POPDC1: variants seen among roughly 807,000 people sequenced by gnomAD.
POPDC1 encodes the protein popeye domain cAMP effector 1.
the POPDC1 span, among the ~76,000 whole-genome samples, chr6:105,135,250 C>G: frequency 4.1e-4 from 63 of 152,206 alleles, no homozygotes; most frequent in African/African-American, 1.3e-3. Context: ...GAAGGAACGT[C>G]AACCTGATAA....
the POPDC1 span, among the ~76,000 whole-genome samples, chr6:105,104,244 C>T: frequency 6.6e-6 from 1 of 152,132 alleles, no homozygotes; most frequent in African/African-American, 2.4e-5. Flanking sequence ...TCATGTGTAA[C>T]CCTCCATGAC....
chr6:105,111,407 C>T, the POPDC1 span, among the ~76,000 whole-genome samples: 1 of 152,158 alleles, frequency 6.6e-6, no homozygotes, highest in Non-Finnish European at 1.5e-5. Flanking sequence ...CAACAAGGTG[C>T]CCTGACGAGC....
At chr6:105,098,475 C>T in the POPDC1 span, 8 of 152,208 alleles carry the variant, frequency 5.3e-5, no homozygotes, top group African/African-American at 1.7e-4. Flanking sequence ...TCTTATATCA[C>T]CTACTTTTAG....
the POPDC1 span, among the ~76,000 whole-genome samples, chr6:105,102,184 A>G: frequency 1.2e-3 from 176 of 152,234 alleles, 4 homozygotes; most frequent in East Asian, 0.03. Flanking sequence ...AGCTGGGGAG[A>G]AGGTTGATGG....
chr6:105,109,430 T>TA, the POPDC1 span, among the ~76,000 whole-genome samples: 2,774 of 152,218 alleles, frequency 0.018, 45 homozygotes, highest in Non-Finnish European at 0.03. Flanking sequence ...GGTCAGTAGA[T>TA]AAAGGTTACT....
the POPDC1 span, among the ~76,000 whole-genome samples, chr6:105,103,247 A>G: frequency 6.6e-6 from 1 of 152,240 alleles, no homozygotes; most frequent in Non-Finnish European, 1.5e-5. Context: ...TTGTAAAGTT[A>G]TTAGATCAGT....
chr6:105,128,510 C>T, the POPDC1 span, among the ~76,000 whole-genome samples: 2 of 152,116 alleles, frequency 1.3e-5, no homozygotes, highest in Admixed American at 1.3e-4. Context: ...AGAAAAAAAG[C>T]CCATTTGCTG....
chr6:105,128,131 G>T, the POPDC1 span, among the ~76,000 whole-genome samples: 1 of 152,166 alleles, frequency 6.6e-6, no homozygotes, highest in Non-Finnish European at 1.5e-5. Flanking sequence ...GCCAATAATG[G>T]TTGACAGGAA....
At chr6:105,115,915 C>T in the POPDC1 span, 18 of 1,351,872 alleles carry the variant, frequency 1.3e-5, no homozygotes, top group East Asian at 2.4e-5. Context: ...CCTAGAAATA[C>T]GTTAGTGCAT....
the POPDC1 span, among the ~76,000 whole-genome samples, chr6:105,105,235 T>C: frequency 5.9e-5 from 9 of 152,326 alleles, no homozygotes; most frequent in East Asian, 1.3e-3. Context: ...TTTTTCCACC[T>C]TGGTAGACAC....
chr6:105,120,307 G>T, the POPDC1 span, among the ~76,000 whole-genome samples: 1 of 147,834 alleles, frequency 6.8e-6, no homozygotes, highest in African/African-American at 2.6e-5. Context: ...AAAAAACATG[G>T]ATTTGGTTGG....
the POPDC1 span, among the ~76,000 whole-genome samples, chr6:105,126,829 A>G: frequency 6.6e-6 from 1 of 152,254 alleles, no homozygotes; most frequent in South Asian, 2.1e-4. Flanking sequence ...ACTCTCAAGT[A>G]AAGTGAAGGA....
the POPDC1 span, among the ~76,000 whole-genome samples, chr6:105,128,512 C>T: frequency 6.6e-6 from 1 of 152,140 alleles, no homozygotes; most frequent in Non-Finnish European, 1.5e-5. Context: ...AAAAAAAGCC[C>T]ATTTGCTGTT....
the POPDC1 span, among the ~76,000 whole-genome samples, chr6:105,105,634 G>C: frequency 7.9e-5 from 12 of 152,306 alleles, no homozygotes; most frequent in East Asian, 2.1e-3. Flanking sequence ...AAACCAATTT[G>C]TAGTAAGAAC....
chr6:105,125,726 A>C, the POPDC1 span: 1 of 760,100 alleles, frequency 1.3e-6, no homozygotes, highest in South Asian at 1.8e-5. Flanking sequence ...AATCTTACAC[A>C]GCAAGTGAAA....
At chr6:105,129,986 T>C in the POPDC1 span, among the ~76,000 whole-genome samples, 1 of 152,228 alleles carries the variant, frequency 6.6e-6, no homozygotes, top group Non-Finnish European at 1.5e-5. Flanking sequence ...TTGTTTCATT[T>C]TGTTTTTTGT....
chr6:105,130,397 T>C, the POPDC1 span, among the ~76,000 whole-genome samples: 1 of 152,188 alleles, frequency 6.6e-6, no homozygotes, highest in Non-Finnish European at 1.5e-5. Flanking sequence ...TACAAATTTT[T>C]CTGTATTTGT....
chr6:105,119,655 T>C, the POPDC1 span, among the ~76,000 whole-genome samples: 1 of 152,170 alleles, frequency 6.6e-6, no homozygotes, highest in Non-Finnish European at 1.5e-5. Flanking sequence ...TGCAAAGATG[T>C]CACCCAGGAC....
chr6:105,125,502 C>A, the POPDC1 span: 67 of 1,614,010 alleles, frequency 4.2e-5, no homozygotes, highest in South Asian at 2.6e-4. Context: ...AGTTAGTCTT[C>A]TGAACAAATC....
Sources: gnomAD v4.1 joint callset for allele counts (sites outside exome capture counted in the v4.1 genomes callset) on GRCh38, gnomAD v4.1.1 for gene constraint, MANE v1.5 for transcripts, NCBI Gene and HGNC (gene_info 2026-07-23, HGNC 2026-07-21) for gene names.